Variants in SGCZ observed in about 807,000 individuals in gnomAD.
SGCZ encodes the protein zeta-sarcoglycan.
A neutral mutation model predicts 41.3 loss-of-function variants in SGCZ; 40 were observed. That is an observed-to-expected ratio of 0.97 (90% CI 0.75 to 1.26). The LOEUF is 1.26. SGCZ is among the 50% of genes most tolerant of loss of function. The pLI is 0.00. For missense variants in SGCZ, 552 were observed against 369.8 expected (o/e 1.49, Z -4.04); for synonymous variants, 206 against 137.5 (o/e 1.50, Z -3.49).
intron 4 of SGCZ, among the ~76,000 whole-genome samples, chr8:14,175,495 G>C (rs1804515753): frequency 6.6e-6 from 1 of 152,020 alleles, no homozygotes; most frequent in African/African-American, 2.4e-5. Context: ...TAAATTAGAG[G>C]TTATGCATTC....
intron 1 of SGCZ, among the ~76,000 whole-genome samples, chr8:14,672,133 G>T (rs146160270): frequency 1.3e-3 from 193 of 152,164 alleles, no homozygotes; most frequent in African/African-American, 4.5e-3. Context: ...GAACTGTGAG[G>T]TTCTCTTTGC....
At chr8:14,749,684 G>C (rs1028350553) in intron 1 of SGCZ, among the ~76,000 whole-genome samples, 1 of 152,020 alleles carries the variant, frequency 6.6e-6, no homozygotes, top group Non-Finnish European at 1.5e-5. Context: ...CCATAGCAAA[G>C]AAATATACAC....
chr8:15,043,238 C>T (rs1411792441), intron 1 of SGCZ, among the ~76,000 whole-genome samples: 1 of 152,178 alleles, frequency 6.6e-6, no homozygotes, highest in East Asian at 1.9e-4. Context: ...TAAAGCAGTA[C>T]AATGTGGAAA....
chr8:14,190,306 C>A (rs576657227), intron 4 of SGCZ, among the ~76,000 whole-genome samples: 71 of 152,004 alleles, frequency 4.7e-4, no homozygotes, highest in Admixed American at 3.3e-4. Context: ...GCCACAGCAC[C>A]CCGCCAGCGG....
intron 2 of SGCZ, among the ~76,000 whole-genome samples, chr8:14,445,098 C>A (rs1396470961): frequency 6.6e-6 from 1 of 152,176 alleles, no homozygotes; most frequent in East Asian, 1.9e-4. Context: ...GTGATGCTTT[C>A]AGAGAAATAT....
chr8:15,143,208 A>T (rs531565345), intron 1 of SGCZ, among the ~76,000 whole-genome samples: 1 of 152,348 alleles, frequency 6.6e-6, no homozygotes, highest in East Asian at 1.9e-4. Flanking sequence ...TGTCTGCTAC[A>T]AACATAATAA....
intron 3 of SGCZ, chr8:14,309,070 A>G: frequency 7.0e-7 from 1 of 1,420,266 alleles, no homozygotes; most frequent in South Asian, 1.2e-5. Context: ...CAACTACAGA[A>G]GAGGAGAAAA....
chr8:14,651,292 T>C (rs6530794), intron 1 of SGCZ, among the ~76,000 whole-genome samples: 80,793 of 151,364 alleles, frequency 0.53, 22,175 homozygotes, highest in East Asian at 0.79. Flanking sequence ...GGGCATTTTA[T>C]GAAAATATTT....
At chr8:14,611,830 T>C (rs1013345677) in intron 1 of SGCZ, among the ~76,000 whole-genome samples, 1 of 152,150 alleles carries the variant, frequency 6.6e-6, no homozygotes, top group African/African-American at 2.4e-5. Flanking sequence ...GATTGCTATG[T>C]AGTCATTAAA....
At chr8:14,343,062 A>G (rs566886380) in intron 2 of SGCZ, among the ~76,000 whole-genome samples, 9 of 152,318 alleles carry the variant, frequency 5.9e-5, no homozygotes, top group Admixed American at 5.2e-4. Flanking sequence ...CCCAAGCCTT[A>G]GCAACTTCCA....
At chr8:14,232,380 T>C (rs1031144660) in intron 4 of SGCZ, among the ~76,000 whole-genome samples, 17 of 152,002 alleles carry the variant, frequency 1.1e-4, no homozygotes, top group African/African-American at 3.9e-4. Context: ...GTGATGTTAA[T>C]TGCTCAAAGT....
intron 7 of SGCZ, among the ~76,000 whole-genome samples, chr8:14,093,929 A>G (rs1801764960): frequency 6.6e-6 from 1 of 152,094 alleles, no homozygotes; most frequent in African/African-American, 2.4e-5. Flanking sequence ...TACTTACAAT[A>G]AGATCCATGA....
At chr8:14,971,711 A>G (rs542746669) in intron 1 of SGCZ, among the ~76,000 whole-genome samples, 83 of 140,210 alleles carry the variant, frequency 5.9e-4, no homozygotes, top group Non-Finnish European at 1.0e-3. Context: ...GCACAGTGGC[A>G]CGACCTAGGC....
chr8:14,463,846 ATGTT>A lies in SGCZ; in HGVS notation c.234+90882_234+90885del, dbSNP rs146195298. 4.6e-5 allele frequency among the ~76,000 whole-genome samples: 7 copies of A among 151,306 alleles called. No homozygotes were observed. The East Asian group carries it at 9.7e-4, about 21-fold the overall frequency. On this transcript the variant is annotated intron_variant, in intron 2 of 7. Coordinates refer to ENST00000382080, the MANE Select transcript of SGCZ (RefSeq NM_139167.4). The stretch of plus-strand genomic sequence containing the variant: ...ATGACAGTGTGTTAAGTCTTGCCAA[ATGTT>A]TGTTTGTTTCTGCATCAGTTGAGAT...
At chr8:14,639,606 T>C (rs1047394002) in intron 1 of SGCZ, among the ~76,000 whole-genome samples, 4 of 151,774 alleles carry the variant, frequency 2.6e-5, no homozygotes, top group Admixed American at 2.6e-4. Flanking sequence ...ATCATGTATC[T>C]ATTCATGTAT....
intron 1 of SGCZ, among the ~76,000 whole-genome samples, chr8:14,722,641 G>C (rs1809924018): frequency 7.5e-6 from 1 of 132,536 alleles, no homozygotes; most frequent in African/African-American, 3.7e-5. Flanking sequence ...GACAAAGTGA[G>C]AGAGAGTTGA....
At chr8:14,244,305 G>C (rs571699118) in intron 3 of SGCZ, among the ~76,000 whole-genome samples, 15 of 151,036 alleles carry the variant, frequency 9.9e-5, no homozygotes, top group Admixed American at 9.2e-4. Flanking sequence ...CCAGAGCAAG[G>C]TTGGTAAAAA....
At chr8:14,659,580 G>A (rs17119951) in intron 1 of SGCZ, among the ~76,000 whole-genome samples, 8,076 of 152,142 alleles carry the variant, frequency 0.053, 302 homozygotes, top group East Asian at 0.17. Flanking sequence ...GCTACCTTGA[G>A]AGCCCATTCC....
chr8:14,924,627 G>T (rs1032678975), intron 1 of SGCZ, among the ~76,000 whole-genome samples: 2 of 151,704 alleles, frequency 1.3e-5, no homozygotes, highest in Non-Finnish European at 1.5e-5. Flanking sequence ...GTTCATGGTG[G>T]GCAATGTTTG....
Sources: gnomAD v4.1 joint callset for allele counts (sites outside exome capture counted in the v4.1 genomes callset) on GRCh38, gnomAD v4.1.1 for gene constraint, MANE v1.5 for transcripts, NCBI Gene and HGNC (gene_info 2026-07-23, HGNC 2026-07-21) for gene names.